Variants in GKAP1 observed in about 807,000 individuals in gnomAD.
The protein encoded by GKAP1 is G kinase anchoring protein 1, also known as G kinase-anchoring protein 1.
GKAP1 carries 31 observed loss-of-function variants against 56.7 expected under a neutral mutation model. The observed-to-expected ratio is 0.55, with a 90% CI of 0.41 to 0.74. The LOEUF (loss-of-function observed/expected upper bound fraction) is 0.74. Ranked by LOEUF, GKAP1 falls within the 30% of genes least tolerant of loss-of-function variation. The pLI, the probability that GKAP1 is intolerant of heterozygous loss-of-function variation, is 0.00. For missense variants in GKAP1, 364 were observed against 402.3 expected (o/e 0.90, Z 0.82); for synonymous variants, 151 against 138.6 (o/e 1.09, Z -0.63).
chr9:83,774,654 T>C (rs1395924841), intron 7 of GKAP1, among the ~76,000 whole-genome samples: 1 of 135,880 alleles, frequency 7.4e-6, no homozygotes, highest in Non-Finnish European at 1.6e-5. Context: ...CTAGTTAAAC[T>C]GAAAAGCTTC....
intron 10 of GKAP1, among the ~76,000 whole-genome samples, chr9:83,745,560 C>T (rs1943279399): frequency 6.6e-6 from 1 of 152,108 alleles, no homozygotes; most frequent in African/African-American, 2.4e-5. Flanking sequence ...TCAATTTCCA[C>T]AGTGTTTTAT....
chr9:83,786,839 T>C (rs1944072414), intron 5 of GKAP1, among the ~76,000 whole-genome samples: 1 of 152,200 alleles, frequency 6.6e-6, no homozygotes, highest in African/African-American at 2.4e-5. Flanking sequence ...TTATCAACAC[T>C]ATTTACTCTA....
intron 4 of GKAP1, among the ~76,000 whole-genome samples, chr9:83,798,530 G>A (rs753192111): frequency 2.0e-5 from 3 of 152,000 alleles, no homozygotes; most frequent in Non-Finnish European, 2.9e-5. Flanking sequence ...TTTGTTTTTT[G>A]TTATGAGACA....
At chr9:83,740,198 G>C (rs906463159) in intron 12 of GKAP1, among the ~76,000 whole-genome samples, 1 of 152,012 alleles carries the variant, frequency 6.6e-6, no homozygotes, top group Admixed American at 6.6e-5. Context: ...ATTTGATTTT[G>C]TTCATTAGTG....
At position 83,780,410 on chromosome 9, in the gene GKAP1, A is replaced by C; in HGVS notation, c.563-6T>G. 1 of 1,342,428 alleles carries C rather than the reference A, an allele frequency of 7.4e-7. No individual in the cohort carries two copies. Among genetic ancestry groups the C allele is most frequent in the South Asian group, 1.4e-5 (1 of 72,702 alleles). 83.2% of individuals were successfully genotyped at this position (1,342,428 alleles called of 1,614,324 possible). Reference sequence around the variant, plus strand: ...AGTCTTTTTACTAATGTGATCTGTAAATGAAAAAGAAACAAAGATGAAACT... The same window carrying C: ...AGTCTTTTTACTAATGTGATCTGTACATGAAAAAGAAACAAAGATGAAACT... On this transcript the variant is annotated splice_polypyrimidine_tract_variant and splice_region_variant and intron_variant, in intron 6 of 12. Transcript: ENST00000376371.
intron 4 of GKAP1, 58 bp from the exon 5 acceptor site, chr9:83,788,736 T>C (rs1414951873): frequency 1.0e-6 from 1 of 976,664 alleles, no homozygotes; most frequent in Non-Finnish European, 1.6e-6. Context: ...ATGAGCAAAA[T>C]AACCATACAT....
Position 83,799,197 on chromosome 9 carries a change from T to C in GKAP1, c.348A>G (p.Gln116=). Residue 116 remains glutamine (Q), a synonymous_variant, in exon 4 of 13, where the codon CAA becomes CAG. Coordinates refer to ENST00000376371, the MANE Select transcript of GKAP1 (RefSeq NM_025211.4). ...TACTTAGTTGTACCTGCTCATCTCT[T>C]TGTCTCCACTCTTGCCAATTTTCTT... ...SREENWQEWR[Q]RDEQLTSEMF... 2 of 1,613,504 alleles carry C rather than the reference T, an allele frequency of 1.2e-6. No individual in the cohort carries two copies. The highest frequency in any genetic ancestry group is 8.5e-7 in the Non-Finnish European group (1 of 1,179,766).
chr9:83,768,513 C>CT (rs1269747583), intron 8 of GKAP1, among the ~76,000 whole-genome samples: 1 of 152,208 alleles, frequency 6.6e-6, no homozygotes, highest in African/African-American at 2.4e-5. Context: ...CCCCACAACT[C>CT]TGAGTGTCTA....
rs1943169807 is a variant in GKAP1, at chr9:83,739,425, TG to T, written c.*271del. 1 of 313,158 alleles carries T rather than the reference TG, an allele frequency of 3.2e-6. No homozygotes were observed. The allele number at this position is 313,158 out of a possible 1,614,324, so 19.4% of individuals were successfully genotyped here. A position where few individuals can be genotyped will look rare whatever the true frequency, so the allele number is the denominator to read the frequency against. ...AAACTTAACAAATCAAACATATTAG[TG>T]GAAGAGTAAATTAATTTTATTGACT... On this transcript the variant is annotated 3_prime_UTR_variant, in exon 13 of 13. Coordinates refer to ENST00000376371, the MANE Select transcript of GKAP1 (RefSeq NM_025211.4).
intron 2 of GKAP1, among the ~76,000 whole-genome samples, chr9:83,807,913 G>T (rs892540739): frequency 1.2e-4 from 18 of 152,196 alleles, no homozygotes; most frequent in Non-Finnish European, 2.5e-4. Context: ...GAAGAAAAAT[G>T]AGAAGTATGT....
At chr9:83,742,730 C>A (rs1403556955) in intron 10 of GKAP1, 130 bp from the exon 11 acceptor site, 1 of 537,540 alleles carries the variant, frequency 1.9e-6, no homozygotes, top group Admixed American at 3.1e-5. Flanking sequence ...GAATCTACTT[C>A]TTGACCTTGC....
chr9:83,813,249 C>T (rs1037217851), intron 2 of GKAP1, among the ~76,000 whole-genome samples: 31 of 152,142 alleles, frequency 2.0e-4, no homozygotes, highest in Admixed American at 1.6e-3. Context: ...CATTTATATA[C>T]ACATAATATA....
At chr9:83,746,006 G>T (rs1246507667) in intron 10 of GKAP1, among the ~76,000 whole-genome samples, 1 of 152,004 alleles carries the variant, frequency 6.6e-6, no homozygotes, top group Non-Finnish European at 1.5e-5. Context: ...GTCCAGGGTG[G>T]TCTCGAACTC....
intron 4 of GKAP1, among the ~76,000 whole-genome samples, 155 bp downstream of exon 4, chr9:83,799,030 T>A (rs553001142): frequency 6.6e-6 from 1 of 152,140 alleles, no homozygotes; most frequent in Middle Eastern, 3.2e-3. Flanking sequence ...TTTCAGTAGA[T>A]CAAAAACAGA....
intron 10 of GKAP1, among the ~76,000 whole-genome samples, chr9:83,744,814 G>A (rs2131226843): frequency 6.6e-6 from 1 of 152,218 alleles, no homozygotes; most frequent in Non-Finnish European, 1.5e-5. Context: ...GGAGGCCTCA[G>A]GAAACTTACA....
intron 4 of GKAP1, among the ~76,000 whole-genome samples, chr9:83,791,644 T>C (rs1337005285): frequency 6.6e-6 from 1 of 152,234 alleles, no homozygotes; most frequent in African/African-American, 2.4e-5. Flanking sequence ...TTTAGAGTCT[T>C]CTAGGGGCTG....
chr9:83,773,360 C>A (rs999119794), intron 7 of GKAP1, among the ~76,000 whole-genome samples: 8 of 152,082 alleles, frequency 5.3e-5, no homozygotes, highest in African/African-American at 1.9e-4. Context: ...TTGCCAGGGG[C>A]TGAAGGTGGG....
intron 4 of GKAP1, among the ~76,000 whole-genome samples, chr9:83,797,505 AT>A (rs1944266655): frequency 6.6e-6 from 1 of 152,084 alleles, no homozygotes; most frequent in Admixed American, 6.6e-5. Flanking sequence ...TCTCAGTGTA[AT>A]TATCCCAAGA....
intron 12 of GKAP1, among the ~76,000 whole-genome samples, chr9:83,741,235 C>T (rs1943201190): frequency 6.6e-6 from 1 of 152,046 alleles, no homozygotes; most frequent in Admixed American, 6.6e-5. Flanking sequence ...AAAGCCACGG[C>T]TAATCAACTG....
Sources: allele counts gnomAD v4.1 joint callset (sites outside exome capture counted in the v4.1 genomes callset), GRCh38; gene constraint gnomAD v4.1.1; transcripts MANE v1.5; gene names NCBI Gene and HGNC (gene_info 2026-07-23, HGNC 2026-07-21).